The following GPHN variants were observed in gnomAD, a reference collection of about 807,000 sequenced individuals.
The protein encoded by GPHN is gephyrin.
In GPHN, 17 loss-of-function variants were observed where a neutral mutation model predicts 95.5. The ratio of observed to expected loss-of-function variants is 0.18; its 90% CI spans 0.12 to 0.27. The LOEUF (loss-of-function observed/expected upper bound fraction) is 0.27, where lower values mean the gene tolerates loss of function less well. Ranked by LOEUF, GPHN falls within the 10% of genes least tolerant of loss-of-function variation. The probability of loss-of-function intolerance (pLI) is 1.00; values close to 1 mark genes in which losing one functional copy is unlikely to be tolerated. For synonymous variants in GPHN, 320 were observed against 322.5 expected (o/e 0.99, Z 0.08); for missense variants, 660 against 978.1 (o/e 0.67, Z 4.34).
At chr14:66,592,048 G>A (rs890610587) in intron 1 of GPHN, among the ~76,000 whole-genome samples, 2 of 151,894 alleles carry the variant, frequency 1.3e-5, no homozygotes, top group African/African-American at 4.8e-5. Context: ...CAAAAGCAAT[G>A]GGGAAACGAT....
chr14:67,343,351 C>T, the GPHN span: 447 of 1,589,832 alleles, frequency 2.8e-4, no homozygotes, highest in Non-Finnish European at 3.7e-4. Context: ...GACAAAGCAC[C>T]TCACAGTACC....
chr14:67,381,824 G>T, the GPHN span: 49 of 574,604 alleles, frequency 8.5e-5, 1 homozygote, highest in East Asian at 8.5e-4. Flanking sequence ...AAATTGAGCA[G>T]TGGTTCTTGG....
At chr14:67,023,420 C>T (rs756931632) in intron 9 of GPHN, among the ~76,000 whole-genome samples, 3 of 151,726 alleles carry the variant, frequency 2.0e-5, no homozygotes, top group Non-Finnish European at 4.4e-5. Context: ...TATTGTACCC[C>T]GAATTTTTTT....
chr14:67,314,075 C>T, the GPHN span, among the ~76,000 whole-genome samples: 1 of 151,758 alleles, frequency 6.6e-6, no homozygotes, highest in Admixed American at 6.6e-5. Context: ...TATCTACAAC[C>T]TTTTTTAGCG....
At chr14:67,365,566 T>C in the GPHN span, among the ~76,000 whole-genome samples, 1 of 152,278 alleles carries the variant, frequency 6.6e-6, no homozygotes, top group Non-Finnish European at 1.5e-5. Context: ...CAGTTTTGGA[T>C]GAGCATTCAT....
intron 1 of GPHN, among the ~76,000 whole-genome samples, chr14:66,651,066 T>C (rs1411068225): frequency 6.6e-6 from 1 of 152,202 alleles, no homozygotes; most frequent in African/African-American, 2.4e-5. Context: ...ACATCTTCTC[T>C]AATACACAGG....
chr14:67,411,954 C>T, the GPHN span: 1 of 1,433,564 alleles, frequency 7.0e-7, no homozygotes, highest in Non-Finnish European at 9.4e-7. Flanking sequence ...TCTGGCCCCG[C>T]TCTAGGGAGC....
At chr14:66,550,399 T>C (rs1267877455) in intron 1 of GPHN, among the ~76,000 whole-genome samples, 1 of 152,210 alleles carries the variant, frequency 6.6e-6, no homozygotes, top group Non-Finnish European at 1.5e-5. Flanking sequence ...TGCAGTCTCA[T>C]GATAAAACTG....
intron 5 of GPHN, among the ~76,000 whole-genome samples, chr14:66,904,654 G>A (rs1471155305): frequency 2.0e-5 from 3 of 152,124 alleles, no homozygotes; most frequent in East Asian, 1.9e-4. Flanking sequence ...CTGCTGTTGG[G>A]AATTGGGCGA....
chr14:67,324,864 C>T, the GPHN span, among the ~76,000 whole-genome samples: 91 of 150,064 alleles, frequency 6.1e-4, 1 homozygote, highest in African/African-American at 2.2e-3. Flanking sequence ...TCTTGGATTG[C>T]AGGTGTAAGC....
intron 18 of GPHN, among the ~76,000 whole-genome samples, chr14:67,147,355 A>T (rs138967054): frequency 1.3e-3 from 205 of 152,334 alleles, no homozygotes; most frequent in African/African-American, 4.6e-3. Context: ...CAAAGCCTTC[A>T]GGCAAGCACC....
At chr14:67,347,820 C>A in the GPHN span, among the ~76,000 whole-genome samples, 3 of 151,976 alleles carry the variant, frequency 2.0e-5, no homozygotes, top group African/African-American at 7.3e-5. Flanking sequence ...TTCTTAATCA[C>A]TGTTTTCTGT....
At chr14:67,325,269 A>G in the GPHN span, among the ~76,000 whole-genome samples, 1 of 151,992 alleles carries the variant, frequency 6.6e-6, no homozygotes, top group African/African-American at 2.4e-5. Flanking sequence ...ACCCTCCAAA[A>G]TATCTTTTTT....
At chr14:66,512,087 G>A (rs1418446905) in intron 1 of GPHN, among the ~76,000 whole-genome samples, 1 of 151,766 alleles carries the variant, frequency 6.6e-6, no homozygotes, top group Non-Finnish European at 1.5e-5. Flanking sequence ...GAGGTAATAT[G>A]GTAATGAGTA....
At chr14:67,038,390 A>G (rs1252222725) in intron 10 of GPHN, among the ~76,000 whole-genome samples, 2 of 152,164 alleles carry the variant, frequency 1.3e-5, no homozygotes, top group African/African-American at 4.8e-5. Flanking sequence ...ATATGCATAT[A>G]TTGTTAATTC....
the GPHN span, among the ~76,000 whole-genome samples, chr14:67,430,472 G>C: frequency 6.6e-6 from 1 of 152,206 alleles, no homozygotes; most frequent in Non-Finnish European, 1.5e-5. Flanking sequence ...AGCAGAAAGA[G>C]CCTTCCCACG....
the GPHN span, chr14:67,350,651 A>G: frequency 6.2e-7 from 1 of 1,613,766 alleles, no homozygotes; most frequent in Non-Finnish European, 8.5e-7. Context: ...GCTAGTGAAA[A>G]GGCAGCTTCT....
intron 1 of GPHN, among the ~76,000 whole-genome samples, chr14:66,663,399 T>C (rs949897778): frequency 2.6e-5 from 4 of 152,014 alleles, no homozygotes; most frequent in African/African-American, 9.7e-5. Context: ...AAAGGAGAAA[T>C]AAGATACTTT....
intron 9 of GPHN, among the ~76,000 whole-genome samples, chr14:66,970,046 T>C (rs538696338): frequency 3.8e-4 from 58 of 151,520 alleles, no homozygotes; most frequent in African/African-American, 1.3e-3. Flanking sequence ...CCTTAAAAGT[T>C]AGCAAAGAAT....
Sources: gnomAD v4.1 joint callset for allele counts (sites outside exome capture counted in the v4.1 genomes callset) on GRCh38, gnomAD v4.1.1 for gene constraint, MANE v1.5 for transcripts, NCBI Gene and HGNC (gene_info 2026-07-23, HGNC 2026-07-21) for gene names.